Variants in TTN observed in about 807,000 individuals in gnomAD.
TTN encodes the protein titin.
A neutral mutation model predicts 3,223.0 loss-of-function variants in TTN; 1,525 were observed. The ratio of observed to expected loss-of-function variants is 0.47; its 90% confidence interval spans 0.45 to 0.49. TTN has a LOEUF of 0.49. TTN is among the 20% of genes least tolerant of loss of function. The pLI, the probability that TTN is intolerant of heterozygous loss-of-function variation, is 0.00. For synonymous variants in TTN, 14,094 were observed against 15,161.0 expected (o/e 0.93, Z 5.17); for missense variants, 40,786 against 43,424.0 (o/e 0.94, Z 5.40).
chr2:178,779,983 A>G lies in TTN; in HGVS notation c.3729+17T>C. On this transcript the variant is annotated intron_variant, in intron 22 of 362. Transcript: ENST00000589042. ...AATTTATGAAATTGTTTGGTTGGTC[A>G]TTACTTTTATACTCACCTGATCTTC... 6.2e-7 allele frequency: 1 copy of G among 1,608,434 alleles called. No homozygotes were observed. Among genetic ancestry groups the G allele is most frequent in the Non-Finnish European group, 8.5e-7 (1 of 1,177,512 alleles).
At position 178,739,555 on chromosome 2, in the gene TTN, C is replaced by A. The variant is rs2082119267; in HGVS notation, c.13678G>T (p.Val4560Phe). The change falls in exon 48 of 363, where the codon GTT becomes TTT. Residue 4560 changes from valine (V) to phenylalanine (F), a missense_variant. By Grantham distance (50) the Val-to-Phe change is conservative. Coordinates refer to ENST00000589042, the MANE Select transcript of TTN (RefSeq NM_001267550.2). ...TCATCTTGTTTTTCGTCAGAGACAA[C>A]AGCTGAAGCAACCCCTTTAGTGACA... ...TPVTKGVASA[V>F]VSDEKQDESL... 1 of 1,613,696 alleles carries A rather than the reference C, an allele frequency of 6.2e-7. No individual in the cohort carries two copies. Among genetic ancestry groups the A allele is most frequent in the Non-Finnish European group, 8.5e-7 (1 of 1,179,816 alleles).
intron 9 of TTN, among the ~76,000 whole-genome samples, chr2:178,792,687 C>T (rs2093571040): frequency 6.6e-6 from 1 of 152,176 alleles, no homozygotes; most frequent in African/African-American, 2.4e-5. Flanking sequence ...AATGCTGTTT[C>T]CATCTGGGCA....
In TTN at chr2:178,611,568, GTAT is replaced by G. The variant is rs1256370101; in HGVS notation, c.50658_50660del (p.Tyr16887del). The G allele has an allele frequency of 1.2e-6, 2 of 1,612,958 alleles. No individual in the cohort carries two copies. The highest frequency in any genetic ancestry group is 2.2e-5 in the South Asian group (2 of 91,060). ...TGCCTACTGGACACATTTCAACATG[GTAT>G]CCTATGATAGGACTTCCACCATTTT... On this transcript the variant is annotated inframe_deletion, in exon 269 of 363. Transcript: ENST00000589042.
At chr2:178,696,387 G>GT (rs76637698) in intron 113 of TTN, 118 bp from the exon 114 acceptor site, 107,368 of 645,870 alleles carry the variant, frequency 0.17, 6 homozygotes, top group South Asian at 0.21. Flanking sequence ...TTGATAATTT[G>GT]TTTTTTTTTT....
Position 178,601,304 on chromosome 2 carries a change from C to T in TTN, c.55693G>A (p.Val18565Met), listed in dbSNP as rs2053387204. Residue 18565 changes from valine to methionine, a missense_variant, in exon 287 of 363, where the codon GTG becomes ATG. Val to Met is a conservative substitution (Grantham distance 21). Transcript: ENST00000589042. The part of the protein sequence containing the change: ...AENRFGIGPP[V>M]ETIQRTTARD... ...GCAGTGGTCCTCTGAATGGTTTCCA[C>T]AGGTGGGCCAATACCAAAACGGTTT... 5 of 1,594,862 alleles carry T rather than the reference C, an allele frequency of 3.1e-6. No homozygotes were observed. Among genetic ancestry groups the T allele is most frequent in the Admixed American group, 1.7e-5 (1 of 58,144 alleles).
chr2:178,776,963 T>C lies in TTN; in HGVS notation c.4901A>G (p.Asn1634Ser). Residue 1634 changes from asparagine (N) to serine (S), a missense_variant, in exon 28 of 363, where the codon AAT becomes AGT. Asn to Ser is a conservative substitution (Grantham distance 46, BLOSUM62 1). Transcript: ENST00000589042. Reference protein sequence around the residue: ...DSAWYTATAINKAGRDTTRCK... With the variant: ...DSAWYTATAISKAGRDTTRCK... ...TCTTGTAGTGTCTCTGCCAGCTTTA[T>C]TAATAGCAGTCGCAGTATACCAGGC... The C allele has an allele frequency of 1.9e-6, 3 of 1,613,996 alleles. No homozygotes were observed. Among genetic ancestry groups the C allele is most frequent in the South Asian group, 1.1e-5 (1 of 91,056 alleles).
Position 178,677,224 on chromosome 2 carries a change from A to C in TTN, c.34355T>G (p.Val11452Gly). 8.2e-7 allele frequency: 1 copy of C among 1,223,734 alleles called. No individual in the cohort carries two copies. Among genetic ancestry groups the C allele is most frequent in the Non-Finnish European group, 1.0e-6 (1 of 983,152 alleles). 75.8% of individuals were successfully genotyped at this position (1,223,734 alleles called of 1,614,324 possible). The change falls in exon 147 of 363, where the codon GTG (valine) becomes GGG (glycine). Residue 11452 changes from valine (V) to glycine (G), a missense_variant. Physicochemically the swap from Val to Gly is moderately radical, Grantham distance 109. Coordinates refer to ENST00000589042, the MANE Select transcript of TTN (RefSeq NM_001267550.2). ...KKVPVPAPKK[V>G]EPPPPPKVPE... ...ACCTTTGGGTGGTGGTGGAGGTTCC[A>C]CTTTTTTAGGGGCGGGAACAGGGAC...
Position 178,741,935 on chromosome 2 carries a change from A to T in TTN, c.11312-14T>A. The T allele has an allele frequency of 7.0e-7, 1 of 1,437,650 alleles. No individual in the cohort carries two copies. The highest frequency in any genetic ancestry group is 2.5e-5 in the East Asian group (1 of 39,508). The allele number at this position is 1,437,650 out of a possible 1,614,324, so 89.1% of individuals were successfully genotyped here. On this transcript the variant is annotated splice_polypyrimidine_tract_variant and intron_variant, in intron 47 of 362. Coordinates refer to ENST00000589042, the MANE Select transcript of TTN (RefSeq NM_001267550.2). Reference sequence around the variant, plus strand: ...AACTAGAAAACTCTGTATGGGGAAAAATGATTATTATTTTACTATAAAATT... The same window carrying T: ...AACTAGAAAACTCTGTATGGGGAAATATGATTATTATTTTACTATAAAATT...
chr2:178,560,722 AAG>A lies in TTN; in HGVS notation c.85408_85409del (p.Leu28470PhefsTer22), dbSNP rs2154159007. On this transcript the variant is annotated frameshift_variant, in exon 326 of 363. Coordinates refer to ENST00000589042, the MANE Select transcript of TTN (RefSeq NM_001267550.2). LOFTEE classifies it high-confidence loss of function. ...CATCTTCTTGGGGACGTCCCCAGGA[AAG>A]AGAGCATTTCTCAGCAGTGAGGCCA... Reference protein sequence around the residue: ...INGLTAEKCSLSWGRPQEDGG... With the variant: ...INGLTAEKCSXSWGRPQEDGG... The A allele has an allele frequency of 6.2e-7, 1 of 1,613,706 alleles. No individual in the cohort carries two copies. Among genetic ancestry groups the A allele is most frequent in the Non-Finnish European group, 8.5e-7 (1 of 1,179,800 alleles).
Position 178,767,996 on chromosome 2 carries a change from CA to C in TTN, c.9305+17del. 6.2e-7 allele frequency: 1 copy of C among 1,614,060 alleles called. No individual in the cohort carries two copies. The highest frequency in any genetic ancestry group is 8.5e-7 in the Non-Finnish European group (1 of 1,179,984). ...GAAACTGGGAATTACTGGAATGTAG[CA>C]AGACAAAACAACTGACCTGTCTGTG... On this transcript the variant is annotated intron_variant, in intron 39 of 362. Transcript: ENST00000589042.
At chr2:178,727,398 T>C in intron 68 of TTN, 27 bp from the exon 69 acceptor site, 1 of 1,541,502 alleles carries the variant, frequency 6.5e-7, no homozygotes, top group Non-Finnish European at 8.7e-7. Context: ...GAGGAGAGTA[T>C]CAGGGAACAG....
chr2:178,639,640 G>C, intron 223 of TTN, 59 bp downstream of exon 223: 1 of 1,526,536 alleles, frequency 6.6e-7, no homozygotes. Context: ...AATCAAGTGT[G>C]AATACTTTTA....
chr2:178,766,265 C>T (rs551723585), intron 41 of TTN, 116 bp downstream of exon 41: 2 of 847,186 alleles, frequency 2.4e-6, no homozygotes, highest in Non-Finnish European at 4.0e-6. Context: ...GCTGGAACCA[C>T]ATGAATACCA....
chr2:178,792,327 A>G, intron 9 of TTN, 130 bp from the exon 10 acceptor site: 1 of 855,766 alleles, frequency 1.2e-6, no homozygotes, highest in Non-Finnish European at 1.7e-6. Context: ...ACTAAATAAA[A>G]TAAATAATCC....
chr2:178,713,466 T>C, intron 92 of TTN, 94 bp from the exon 93 acceptor site: 1 of 1,440,174 alleles, frequency 6.9e-7, no homozygotes, highest in East Asian at 2.5e-5. Context: ...GTCTTTTTGA[T>C]GGACTATCCC....
In TTN at chr2:178,535,636, T is replaced by A. The variant is rs1309484886; in HGVS notation, c.100979A>T (p.Glu33660Val). 4.3e-6 allele frequency: 7 copies of A among 1,613,846 alleles called. No individual in the cohort carries two copies. Among genetic ancestry groups the A allele is most frequent in the Non-Finnish European group, 5.9e-6 (7 of 1,179,784 alleles). The change falls in exon 358 of 363, where the codon GAG becomes GTG. Residue 33660 changes from glutamate to valine, a missense_variant. Transcript: ENST00000589042. ...CACATAGAAACCAGCATCTTTTCTC[T>A]CTACCCCATTGGGGAAAACAAGTGA... ...FTSLVFPNGV[E>V]RKDAGFYVVC...
Position 178,785,675 on chromosome 2 carries a change from C to T in TTN, c.2438G>A (p.Ser813Asn). Residue 813 changes from serine (S) to asparagine (N), a missense_variant, in exon 15 of 363, where the codon AGC becomes AAC. Transcript: ENST00000589042. ...AATTTTTGAAACAGTAAAGTGAGGG[C>T]TAGCTGTGCGGGGGCGTTTATCCAC... The part of the protein sequence containing the change: ...VHVDKRPRTA[S>N]PHFTVSKISV... 1.9e-6 allele frequency: 3 copies of T among 1,614,134 alleles called. No homozygotes were observed. The highest frequency in any genetic ancestry group is 2.5e-6 in the Non-Finnish European group (3 of 1,180,000).
Position 178,546,449 on chromosome 2 carries a change from T to G in TTN, c.94882A>C (p.Arg31628=). 1.2e-6 allele frequency: 2 copies of G among 1,613,734 alleles called. No individual in the cohort carries two copies. Among genetic ancestry groups the G allele is most frequent in the Non-Finnish European group, 1.7e-6 (2 of 1,179,734 alleles). ...TCCAGAACAAGATCAGAACCTGCTCTGATGGTAACCAGATCACCGTGTAAT... is the reference window on the plus strand; with the variant it reads ...TCCAGAACAAGATCAGAACCTGCTCGGATGGTAACCAGATCACCGTGTAAT... ...ARLHGDLVTI[R]AGSDLVLDAA... The change falls in exon 342 of 363, where the codon AGA becomes CGA. Residue 31628 remains arginine, a synonymous_variant. Transcript: ENST00000589042.
intron 78 of TTN, 101 bp from the exon 79 acceptor site, chr2:178,721,303 G>T: frequency 9.4e-7 from 1 of 1,059,934 alleles, no homozygotes; most frequent in Non-Finnish European, 1.2e-6. Flanking sequence ...ATTTAAACTG[G>T]TTTGTTATTA....
Sources: gnomAD v4.1 joint callset for allele counts (sites outside exome capture counted in the v4.1 genomes callset) on GRCh38, gnomAD v4.1.1 for gene constraint, MANE v1.5 for transcripts, NCBI Gene and HGNC (gene_info 2026-07-23, HGNC 2026-07-21) for gene names.